The following SH3PXD2A variants were observed in gnomAD, a reference collection of about 807,000 sequenced individuals.
The protein encoded by SH3PXD2A is SH3 and PX domain-containing protein 2A.
Under a neutral mutation model 115.2 loss-of-function variants are expected in SH3PXD2A, and 32 were observed. The ratio of observed to expected loss-of-function variants is 0.28; its 90% CI spans 0.21 to 0.37. The LOEUF is 0.37. Among genes scored for constraint, SH3PXD2A ranks in the 10% least tolerant of loss-of-function variants. The probability of loss-of-function intolerance (pLI) is 1.00; values close to 1 mark genes in which losing one functional copy is unlikely to be tolerated. For missense variants in SH3PXD2A, 1,328 were observed against 1,498.7 expected, an observed-to-expected ratio of 0.89 and a Z score of 1.88; for synonymous variants, 610 against 629.1, an observed-to-expected ratio of 0.97 and a Z score of 0.45.
At chr10:103,814,777 G>A (rs2039307087) in intron 1 of SH3PXD2A, among the ~76,000 whole-genome samples, 1 of 152,124 alleles carries the variant, frequency 6.6e-6, no homozygotes, top group Admixed American at 6.5e-5. Flanking sequence ...AGAAACGAAG[G>A]CAGTAAGCTA....
At chr10:103,664,190 A>G (rs2037352844) in intron 7 of SH3PXD2A, among the ~76,000 whole-genome samples, 1 of 152,180 alleles carries the variant, frequency 6.6e-6, no homozygotes, top group African/African-American at 2.4e-5. Context: ...CCTACGAGAA[A>G]TGGGGCCTCC....
rs550688536 is a variant in SH3PXD2A at position 103,740,791 on chromosome 10, C to T, written c.230-4983G>A. ...AACGCCATTCATTCTTGGAAGACTT[C>T]CCCCTGCCTTTCCTTCTTTCCTTCC... On this transcript the variant is annotated intron_variant, in intron 3 of 14. Coordinates refer to ENST00000369774, the MANE Select transcript of SH3PXD2A (RefSeq NM_001394015.1). Among the ~76,000 whole-genome samples the T allele has an allele frequency of 2.0e-5, 3 of 152,158 alleles. No individual in the cohort carries two copies. In the East Asian group the frequency reaches 5.8e-4, roughly 29 times the overall value.
chr10:103,808,258 C>CA (rs1554925815), intron 1 of SH3PXD2A, among the ~76,000 whole-genome samples: 1 of 143,606 alleles, frequency 7.0e-6, no homozygotes, highest in Non-Finnish European at 1.5e-5. Context: ...CTTTTTTTTT[C>CA]TTTTTTTTTT....
intron 8 of SH3PXD2A, among the ~76,000 whole-genome samples, chr10:103,651,320 G>A (rs1331572565): frequency 6.6e-6 from 1 of 152,212 alleles, no homozygotes; most frequent in Non-Finnish European, 1.5e-5. Flanking sequence ...GAATGCTCGT[G>A]CAACTCTCTT....
intron 8 of SH3PXD2A, among the ~76,000 whole-genome samples, chr10:103,641,113 T>C (rs1328208495): frequency 6.6e-6 from 1 of 152,164 alleles, no homozygotes; most frequent in Non-Finnish European, 1.5e-5. Flanking sequence ...TCTGAACAGA[T>C]GGTAATGACA....
chr10:103,736,455 C>T (rs1208154490), intron 3 of SH3PXD2A, among the ~76,000 whole-genome samples: 1 of 152,260 alleles, frequency 6.6e-6, no homozygotes, highest in Non-Finnish European at 1.5e-5. Context: ...AGCTGACTCT[C>T]CCAAGCTGGC....
At chr10:103,763,274 C>G (rs2038719361) in intron 3 of SH3PXD2A, among the ~76,000 whole-genome samples, 1 of 152,202 alleles carries the variant, frequency 6.6e-6, no homozygotes, top group Admixed American at 6.5e-5. Flanking sequence ...TGGGCCAAAG[C>G]AAATCAGCTG....
chr10:103,756,149 G>A lies in SH3PXD2A; in HGVS notation c.229+10945C>T, dbSNP rs1251394511. 6.6e-6 allele frequency among the ~76,000 whole-genome samples: 1 copy of A among 152,198 alleles called. No homozygotes were observed. Among genetic ancestry groups the A allele is most frequent in the Non-Finnish European group, 1.5e-5 (1 of 68,038 alleles). On this transcript the variant is annotated intron_variant, in intron 3 of 14. Transcript: ENST00000369774. The surrounding 1 kb of genome is among the most constrained non-coding windows in gnomAD (Gnocchi z 4.4). ...AGTCCTGGGAACTGTGGAGGTGAAG[G>A]GGGAGGAGGTATTTTCAGCGCCCAG...
chr10:103,817,233 T>G (rs865777866), intron 1 of SH3PXD2A, among the ~76,000 whole-genome samples: 9 of 151,898 alleles, frequency 5.9e-5, no homozygotes, highest in Admixed American at 1.3e-4. Context: ...GGGGCTTTGT[T>G]GTATAGATTA....
chr10:103,793,693 C>T (rs534639475), intron 2 of SH3PXD2A, among the ~76,000 whole-genome samples: 1 of 152,386 alleles, frequency 6.6e-6, no homozygotes, highest in South Asian at 2.1e-4. Context: ...TCTCTGCAAT[C>T]CTTGGTACAA....
chr10:103,603,406 C>T lies in SH3PXD2A; in HGVS notation c.1812G>A (p.Lys604=). The T allele has an allele frequency of 2.5e-6, 4 of 1,614,128 alleles. No homozygotes were observed. The highest frequency in any genetic ancestry group is 2.5e-6 in the Non-Finnish European group (3 of 1,180,002). The change falls in exon 15 of 15, where the codon AAG becomes AAA. Residue 604 remains lysine, a synonymous_variant. Transcript: ENST00000369774. ...CCACATCCTCTGAAGACTCACCCACCTTGAAGCGGGCCCGCTGCAGAGAAG... is the reference window on the plus strand; with the variant it reads ...CCACATCCTCTGAAGACTCACCCACTTTGAAGCGGGCCCGCTGCAGAGAAG... ...PASSLQRARF[K]VGESSEDVAL...
rs774580453 is a variant in SH3PXD2A, at chr10:103,767,080, C to T, written c.229+14G>A. On this transcript the variant is annotated intron_variant, in intron 3 of 14. Coordinates refer to ENST00000369774, the MANE Select transcript of SH3PXD2A (RefSeq NM_001394015.1). Reference sequence around the variant, plus strand: ...GGTATCCCCCATCCCTGGGTGGAGCCACCCAATGCTTACCTGGGAGGAAGG... The same window carrying T: ...GGTATCCCCCATCCCTGGGTGGAGCTACCCAATGCTTACCTGGGAGGAAGG... 11 of 1,608,394 alleles carry T rather than the reference C, an allele frequency of 6.8e-6. 1 individual carries two copies. The African/African-American group carries it at 1.1e-4, about 16-fold the overall frequency.
intron 7 of SH3PXD2A, among the ~76,000 whole-genome samples, chr10:103,667,135 A>C (rs2037393326): frequency 6.6e-6 from 1 of 152,144 alleles, no homozygotes; most frequent in African/African-American, 2.4e-5. Flanking sequence ...GGAGAAACCA[A>C]GGCCCAGAGA....
At position 103,850,764 on chromosome 10, in the gene SH3PXD2A, G is replaced by A. The variant is rs760882739; in HGVS notation, c.72+4431C>T. Among the ~76,000 whole-genome samples, 12 of 152,310 alleles carry A rather than the reference G, an allele frequency of 7.9e-5. No individual in the cohort carries two copies. The South Asian group carries it at 1.4e-3, about 18-fold the overall frequency. The stretch of plus-strand genomic sequence containing the variant: ...CCATCAGACTGTGAAAAGCTGGGCC[G>A]TCCTTCTTGCCTCAGTCTTTCCTTT... On this transcript the variant is annotated intron_variant, in intron 1 of 14. Transcript: ENST00000369774.
Position 103,627,045 on chromosome 10 carries a change from A to T in SH3PXD2A, c.718+44T>A. The T allele has an allele frequency of 9.2e-7, 1 of 1,082,190 alleles. No homozygotes were observed. Among genetic ancestry groups the T allele is most frequent in the East Asian group, 2.4e-5 (1 of 42,360 alleles). 67.0% of individuals were successfully genotyped at this position (1,082,190 alleles called of 1,614,324 possible). ...GGGAAAGAGTGAGAGAGCTGCCTCC[A>T]GAGGCCGCGTTGCTCCCTGCCCCTT... is the stretch of plus-strand genomic sequence containing the variant. On this transcript the variant is annotated intron_variant, in intron 9 of 14. Transcript: ENST00000369774. This position sits in a 1 kb window ranked among gnomAD's most constrained non-coding sequence, Gnocchi z 4.4.
chr10:103,828,446 A>G (rs1223639436), intron 1 of SH3PXD2A, among the ~76,000 whole-genome samples: 1 of 152,176 alleles, frequency 6.6e-6, no homozygotes. Flanking sequence ...GGTGGCCCTG[A>G]GATAACCCAA....
At chr10:103,852,079 G>C (rs926511029) in intron 1 of SH3PXD2A, among the ~76,000 whole-genome samples, 1 of 152,228 alleles carries the variant, frequency 6.6e-6, no homozygotes, top group African/African-American at 2.4e-5. Context: ...AGAGGCCAAA[G>C]CCAGTTTACC....
chr10:103,749,867 CTCTGCCAGCAGCCAGCGCCAG>C (rs1402852773), intron 3 of SH3PXD2A: 1 of 152,192 alleles, frequency 6.6e-6, no homozygotes, highest in Non-Finnish European at 1.5e-5. Context: ...GAGCTGAGGC[CTCTGCCAGCAGCCAGCGCCAG>C]TCTGCCAGCG....
intron 1 of SH3PXD2A, among the ~76,000 whole-genome samples, chr10:103,824,358 T>C (rs1454240751): frequency 1.3e-5 from 2 of 152,194 alleles, no homozygotes; most frequent in Non-Finnish European, 2.9e-5. Context: ...GGGAGGTTTA[T>C]TTGGAGGAAT....
Sources: gnomAD v4.1 joint callset for allele counts (sites outside exome capture counted in the v4.1 genomes callset) on GRCh38, gnomAD v4.1.1 for gene constraint, Gnocchi (gnomAD v3.1) non-coding constraint, MANE v1.5 for transcripts, NCBI Gene and HGNC (gene_info 2026-07-23, HGNC 2026-07-21) for gene names.